The following TERT variants were observed in gnomAD, a reference collection of about 807,000 sequenced individuals.
The protein encoded by TERT is telomerase catalytic subunit.
TERT carries 42 observed loss-of-function variants against 104.0 expected under a neutral mutation model. The observed-to-expected ratio is 0.40, with a 90% CI of 0.32 to 0.52. TERT has a LOEUF of 0.52. Among genes scored for constraint, TERT ranks in the 20% least tolerant of loss-of-function variants. The probability of loss-of-function intolerance (pLI) is 0.43; values close to 1 mark genes in which losing one functional copy is unlikely to be tolerated. For synonymous variants in TERT, 781 were observed against 725.6 expected, an observed-to-expected ratio of 1.08 and a Z score of -1.23; for missense variants, 1,101 against 1,610.3, an observed-to-expected ratio of 0.68 and a Z score of 5.41.
Position 1,255,276 on chromosome 5 carries a change from C to T in TERT, c.3157+11G>A. 2.5e-6 allele frequency: 4 copies of T among 1,613,230 alleles called. No homozygotes were observed. The highest frequency in any genetic ancestry group is 2.5e-6 in the Non-Finnish European group (3 of 1,179,638). On this transcript the variant is annotated intron_variant, in intron 14 of 15. Transcript: ENST00000310581. The surrounding 1 kb of genome is among the most constrained non-coding windows in gnomAD (Gnocchi z 6.9). The stretch of plus-strand genomic sequence containing the variant: ...GCACTGCTGCCACTGAGGCCAGGCA[C>T]CTGCACATACCTGCGTTCTTGGCTT...
chr5:1,269,129 GACAA>G lies in TERT; in HGVS notation c.2469-500_2469-497del, dbSNP rs1168454079. 2.0e-5 allele frequency among the ~76,000 whole-genome samples: 3 copies of G among 151,976 alleles called. No individual in the cohort carries two copies. The highest frequency in any genetic ancestry group is 3.9e-4 in the East Asian group (2 of 5,188). On this transcript the variant is annotated intron_variant, in intron 8 of 15. Transcript: ENST00000310581. The surrounding 1 kb of genome is among the most constrained non-coding windows in gnomAD (Gnocchi z 9.0). ...CAAGGATGCCAAGGGTGCGTTTTCA[GACAA>G]ACAGTGAGAGCAGAATAGCCCCGTG...
chr5:1,285,565 A>ATTTTTTTTTTTTTTTTTTTTTTTTTT (rs1170336173), intron 2 of TERT, among the ~76,000 whole-genome samples: 1 of 82,184 alleles, frequency 1.2e-5, no homozygotes. Flanking sequence ...GGCTACTAGA[A>ATTTTTTTTTTTTTTTTTTTTTTTTTT]TTTTTTTTTT....
At position 1,279,277 on chromosome 5, in the gene TERT, TC is replaced by T. The variant is rs1483862160; in HGVS notation, c.2130+13del. On this transcript the variant is annotated intron_variant, in intron 5 of 15. Coordinates refer to ENST00000310581, the MANE Select transcript of TERT (RefSeq NM_198253.3). Reference sequence around the variant, plus strand: ...GGTCCAGCAGGGCTGCTCACGGGGGTCCCCGGCACCCACCTTGACAAAGTAC... The same window carrying T: ...GGTCCAGCAGGGCTGCTCACGGGGGTCCCGGCACCCACCTTGACAAAGTAC... 2 of 1,563,272 alleles carry T rather than the reference TC, an allele frequency of 1.3e-6. No homozygotes were observed. Among genetic ancestry groups the T allele is most frequent in the Non-Finnish European group, 1.7e-6 (2 of 1,156,290 alleles).
chr5:1,271,336 A>C, intron 7 of TERT, 132 bp from the exon 8 acceptor site: 1 of 735,334 alleles, frequency 1.4e-6, no homozygotes, highest in Middle Eastern at 2.3e-4. Flanking sequence ...GCTGGAATGC[A>C]GGGCCATCGT....
chr5:1,278,858 C>T (rs1436661321), intron 5 of TERT, 62 bp from the exon 6 acceptor site: 4 of 1,607,998 alleles, frequency 2.5e-6, no homozygotes, highest in African/African-American at 2.7e-5. Context: ...ATCACCTCTG[C>T]CCTCAGGGCC....
At chr5:1,259,368 CAGATGCCCACAGGAGAGGGAGT>C (rs1748017573) in intron 12 of TERT, among the ~76,000 whole-genome samples, 1 of 122,986 alleles carries the variant, frequency 8.1e-6, no homozygotes, top group African/African-American at 3.2e-5. Flanking sequence ...GGAGCAGACG[CAGATGCCCACAGGAGAGGGAGT>C]GGATGCGGAC....
At position 1,261,648 on chromosome 5, in the gene TERT, A is replaced by T. The variant is rs1748235684; in HGVS notation, c.2844-1048T>A. ...TCTTTGAGGGATGGGTCTCGCTGTC[A>T]GTTTCACATGCATTTCTTTGACGCT... On this transcript the variant is annotated intron_variant, in intron 11 of 15. Transcript: ENST00000310581. The surrounding 1 kb of genome is among the most constrained non-coding windows in gnomAD (Gnocchi z 7.4). Among the ~76,000 whole-genome samples, 1 of 152,198 alleles carries T rather than the reference A, an allele frequency of 6.6e-6. No homozygotes were observed. Among genetic ancestry groups the T allele is most frequent in the South Asian group, 2.1e-4 (1 of 4,830 alleles).
At position 1,279,335 on chromosome 5, in the gene TERT, G is replaced by A. The variant is rs973201915; in HGVS notation, c.2086C>T (p.Arg696Cys). 1.3e-6 allele frequency: 2 copies of A among 1,585,150 alleles called. No individual in the cohort carries two copies. The highest frequency in any genetic ancestry group is 1.7e-6 in the Non-Finnish European group (2 of 1,167,972). Reference sequence around the variant, plus strand: ...GGCGGCGGGTCCTGGGCCCGCACACGCAGCACGAAGGTGCGCCAGGCCCTG... The same window carrying A: ...GGCGGCGGGTCCTGGGCCCGCACACACAGCACGAAGGTGCGCCAGGCCCTG... ...IHRAWRTFVLRVRAQDPPPEL... is the reference protein window; with the variant it reads ...IHRAWRTFVLCVRAQDPPPEL... The change falls in exon 5 of 16, where the codon CGT becomes TGT. Residue 696 changes from arginine to cysteine, a missense_variant. Transcript: ENST00000310581.
At chr5:1,283,172 C>T (rs1333931177) in intron 2 of TERT, among the ~76,000 whole-genome samples, 2 of 142,856 alleles carry the variant, frequency 1.4e-5, no homozygotes, top group South Asian at 2.3e-4. Context: ...GCGACCTCAC[C>T]CCAGACCTGC....
Position 1,257,472 on chromosome 5 carries a change from C to A in TERT, c.3032+1126G>T, listed in dbSNP as rs34439046. On this transcript the variant is annotated intron_variant, in intron 13 of 15. Transcript: ENST00000310581. This position sits in a 1 kb window ranked among gnomAD's most constrained non-coding sequence, Gnocchi z 5.6. ...CCGGAAAGGAGTCAAGCAGCTTGCA[C>A]GAGGGCCCAGGCACGCGTCAGGGAG... is the stretch of plus-strand genomic sequence containing the variant. 6.6e-6 allele frequency among the ~76,000 whole-genome samples: 1 copy of A among 152,064 alleles called. No homozygotes were observed. The highest frequency in any genetic ancestry group is 2.4e-5 in the African/African-American group (1 of 41,398).
At chr5:1,281,821 G>A (rs1750041992) in intron 3 of TERT, among the ~76,000 whole-genome samples, 1 of 152,154 alleles carries the variant, frequency 6.6e-6, no homozygotes, top group African/African-American at 2.4e-5. Context: ...GGGCACGGTG[G>A]CTTAGCCTGT....
chr5:1,280,028 G>T, intron 4 of TERT, 130 bp downstream of exon 4: 1 of 1,248,068 alleles, frequency 8.0e-7, no homozygotes, highest in Non-Finnish European at 1.2e-6. Context: ...GCACAAATGG[G>T]TTGGCGCCGT....
At chr5:1,291,684 G>C (rs1750990577) in intron 2 of TERT, among the ~76,000 whole-genome samples, 1 of 148,526 alleles carries the variant, frequency 6.7e-6, no homozygotes, top group Non-Finnish European at 1.5e-5. Flanking sequence ...GACACCCGGG[G>C]GCCGCGCCTC....
At position 1,293,693 on chromosome 5, in the gene TERT, C is replaced by T. The variant is rs1554042874; in HGVS notation, c.1193G>A (p.Gly398Glu). The change falls in exon 2 of 16, where the codon GGG (glycine) becomes GAG (glutamate). Residue 398 changes from glycine to glutamate, a missense_variant. Physicochemically the swap from Gly to Glu is moderately conservative, Grantham distance 98 (BLOSUM62 -2). This residue lies in a region of TERT where 504 missense variants were observed against 544.6 expected (regional missense o/e 0.93). Transcript: ENST00000310581. ...QMRPLFLELL[G>E]NHAQCPYGVL... ...CCCGTAGGGGCACTGCGCGTGGTTC[C>T]CAAGCAGCTCCAGAAACAGGGGCCG... 1.9e-6 allele frequency: 3 copies of T among 1,574,552 alleles called. No individual in the cohort carries two copies. Among genetic ancestry groups the T allele is most frequent in the Non-Finnish European group, 2.6e-6 (3 of 1,160,774 alleles).
In TERT at chr5:1,255,808, T is replaced by A. The variant is rs916376170; in HGVS notation, c.3033-397A>T. On this transcript the variant is annotated intron_variant, in intron 13 of 15. Transcript: ENST00000310581. The surrounding 1 kb of genome is among the most constrained non-coding windows in gnomAD (Gnocchi z 6.9). ...TACTTATCATGAATCCTGCCCTTCG[T>A]CAGACAACCTTGATGTCATCGTATA... Among the ~76,000 whole-genome samples the A allele has an allele frequency of 6.6e-6, 1 of 152,132 alleles. No individual in the cohort carries two copies. The highest frequency in any genetic ancestry group is 1.5e-5 in the Non-Finnish European group (1 of 68,008).
At position 1,293,432 on chromosome 5, in the gene TERT, C is replaced by G. The variant is rs1365529939; in HGVS notation, c.1454G>C (p.Arg485Pro). The G allele has an allele frequency of 6.2e-7, 1 of 1,612,376 alleles. No individual in the cohort carries two copies. ...PGLWGSRHNERRFLRNTKKFI... is the reference protein window; with the variant it reads ...PGLWGSRHNEPRFLRNTKKFI... ...CTTCTTGGTGTTCCTGAGGAAGCGG[C>G]GTTCGTTGTGCCTGGAGCCCCAGAG... is the stretch of plus-strand genomic sequence containing the variant. Residue 485 changes from arginine (R) to proline (P), a missense_variant, in exon 2 of 16, where the codon CGC becomes CCC. Physicochemically the swap from Arg to Pro is moderately radical, Grantham distance 103. This residue lies in a region of TERT where 504 missense variants were observed against 544.6 expected (regional missense o/e 0.93). Coordinates refer to ENST00000310581, the MANE Select transcript of TERT (RefSeq NM_198253.3).
intron 12 of TERT, among the ~76,000 whole-genome samples, chr5:1,259,787 G>A (rs1258620177): frequency 6.4e-5 from 9 of 141,444 alleles, no homozygotes; most frequent in Non-Finnish European, 1.5e-5. Flanking sequence ...GACGCCCACA[G>A]GAGAGAGGGA....
chr5:1,280,948 C>T (rs868255382), intron 3 of TERT, among the ~76,000 whole-genome samples: 7 of 152,232 alleles, frequency 4.6e-5, no homozygotes, highest in Non-Finnish European at 7.3e-5. Context: ...CCTGGCACTC[C>T]GTGGACACTG....
chr5:1,258,081 C>T (rs946737401), intron 13 of TERT, among the ~76,000 whole-genome samples: 11 of 152,230 alleles, frequency 7.2e-5, no homozygotes, highest in African/African-American at 9.6e-5. Context: ...GGACAGGGAA[C>T]GTTCCAGGAG....
Sources: allele counts gnomAD v4.1 joint callset (sites outside exome capture counted in the v4.1 genomes callset), GRCh38; gene constraint gnomAD v4.1.1; regional missense constraint gnomAD v4.1.1; non-coding constraint Gnocchi (gnomAD v3.1); transcripts MANE v1.5; gene names NCBI Gene and HGNC (gene_info 2026-07-23, HGNC 2026-07-21).